Variants in FLNB observed in about 807,000 individuals in gnomAD.
FLNB encodes the protein filamin B.
Under a neutral mutation model 250.6 loss-of-function variants are expected in FLNB, and 111 were observed. That is an observed-to-expected ratio of 0.44 (90% CI 0.38 to 0.52). FLNB has a LOEUF of 0.52. Ranked by LOEUF, FLNB falls within the 20% of genes least tolerant of loss-of-function variation. The pLI is 0.00. For synonymous variants in FLNB, 1,302 were observed against 1,372.1 expected (o/e 0.95, Z 1.13); for missense variants, 2,869 against 3,447.8 (o/e 0.83, Z 4.20).
At chr3:58,104,172 G>A (rs1485606608) in intron 10 of FLNB, 87 bp downstream of exon 10, 1 of 1,402,166 alleles carries the variant, frequency 7.1e-7, no homozygotes, top group Non-Finnish European at 9.9e-7. Context: ...GGCTGCAGGA[G>A]GGAAAGAGAT....
intron 1 of FLNB, among the ~76,000 whole-genome samples, chr3:58,065,266 C>G (rs1274444512): frequency 6.6e-6 from 1 of 152,200 alleles, no homozygotes; most frequent in Admixed American, 6.5e-5. Flanking sequence ...GCAGAGAAGC[C>G]TGGCTTACCT....
chr3:58,054,728 G>A (rs1056920024), intron 1 of FLNB, among the ~76,000 whole-genome samples: 16 of 152,160 alleles, frequency 1.1e-4, no homozygotes, highest in Non-Finnish European at 1.8e-4. Context: ...TACAATTTAA[G>A]ATGAGATTTG....
At chr3:58,076,535 A>G (rs557180460) in intron 1 of FLNB, among the ~76,000 whole-genome samples, 49 of 152,184 alleles carry the variant, frequency 3.2e-4, no homozygotes, top group African/African-American at 1.2e-3. Flanking sequence ...GCTCTCTGCA[A>G]CTTTCACTTC....
intron 33 of FLNB, 198 bp from the exon 34 acceptor site, chr3:58,146,622 G>T (rs2097336185): frequency 3.3e-6 from 2 of 601,488 alleles, no homozygotes; most frequent in Admixed American, 5.3e-5. Context: ...TCAGATGTTT[G>T]GGGTTTCTTC....
At chr3:58,062,797 A>C (rs1361552562) in intron 1 of FLNB, among the ~76,000 whole-genome samples, 1 of 152,212 alleles carries the variant, frequency 6.6e-6, no homozygotes, top group Non-Finnish European at 1.5e-5. Context: ...CATCTGTGCT[A>C]GAAGGCGGAA....
intron 1 of FLNB, among the ~76,000 whole-genome samples, chr3:58,011,533 C>T (rs936387016): frequency 6.6e-6 from 1 of 152,162 alleles, no homozygotes; most frequent in East Asian, 1.9e-4. Context: ...TGGCAAGTGC[C>T]AGGACTGCTG....
intron 4 of FLNB, among the ~76,000 whole-genome samples, chr3:58,091,073 G>A (rs146939018): frequency 8.8e-5 from 13 of 147,790 alleles, no homozygotes; most frequent in Non-Finnish European, 8.9e-5. Flanking sequence ...GCGAGACTCC[G>A]TCTCAAAAAA....
At chr3:58,155,183 C>G (rs1286253314) in intron 40 of FLNB, among the ~76,000 whole-genome samples, 1 of 152,234 alleles carries the variant, frequency 6.6e-6, no homozygotes, top group African/African-American at 2.4e-5. Flanking sequence ...TCCATTCTTT[C>G]CACCAACCAG....
At chr3:58,049,384 G>A (rs1197537266) in intron 1 of FLNB, among the ~76,000 whole-genome samples, 1 of 152,114 alleles carries the variant, frequency 6.6e-6, no homozygotes, top group African/African-American at 2.4e-5. Context: ...GGGGTTAGAT[G>A]AGTAATTAGC....
In FLNB at chr3:58,124,968, G is replaced by A. The variant is rs3772994; in HGVS notation, c.3898+463G>A. ...CTGTTTCTTCTGTTTCACGGGTTTC[G>A]CTTTTTCTTTTGGTTAATGGCTGGA... is the stretch of plus-strand genomic sequence containing the variant. On this transcript the variant is annotated intron_variant, in intron 22 of 45. Transcript: ENST00000295956. Among the ~76,000 whole-genome samples, 81 of 152,170 alleles carry A rather than the reference G, an allele frequency of 5.3e-4. No homozygotes were observed. In the East Asian group the frequency reaches 8.5e-3, roughly 16 times the overall value.
chr3:58,090,715 G>GAAGT (rs1465866945), intron 4 of FLNB, among the ~76,000 whole-genome samples: 1 of 152,116 alleles, frequency 6.6e-6, no homozygotes, highest in Non-Finnish European at 1.5e-5. Context: ...ATATAATGAA[G>GAAGT]AAGTATGCAT....
intron 9 of FLNB, 63 bp downstream of exon 9, chr3:58,102,403 A>G: frequency 6.4e-7 from 1 of 1,558,434 alleles, no homozygotes; most frequent in South Asian, 1.1e-5. Context: ...GCCATGGCAT[A>G]TGGATTTCAT....
chr3:58,132,110 T>C, intron 25 of FLNB: 4 of 826,558 alleles, frequency 4.8e-6, no homozygotes, highest in Non-Finnish European at 8.0e-6. Flanking sequence ...CCTCATCTGC[T>C]TTGCTTAATG....
At chr3:58,011,799 A>G (rs899358751) in intron 1 of FLNB, among the ~76,000 whole-genome samples, 4 of 152,220 alleles carry the variant, frequency 2.6e-5, no homozygotes, top group African/African-American at 9.6e-5. Context: ...CCCTATCTCT[A>G]ATGATCTGCT....
chr3:58,125,371 G>T (rs2097296006), intron 22 of FLNB, among the ~76,000 whole-genome samples: 2 of 152,174 alleles, frequency 1.3e-5, no homozygotes, highest in African/African-American at 4.8e-5. Context: ...GGACTCAAGT[G>T]ATCTACCCAC....
At chr3:58,132,429 C>G (rs2097308984) in intron 25 of FLNB, 2 of 405,344 alleles carry the variant, frequency 4.9e-6, no homozygotes, top group South Asian at 2.2e-5. Context: ...TTGGCAGTGT[C>G]TCAGCTGTAG....
chr3:58,040,309 AAC>A (rs1177716524), intron 1 of FLNB, among the ~76,000 whole-genome samples: 1 of 151,968 alleles, frequency 6.6e-6, no homozygotes, highest in Non-Finnish European at 1.5e-5. Flanking sequence ...AGTGTGAGTA[AAC>A]AGTTACCTTC....
chr3:58,138,935 G>C (rs2097321498), intron 29 of FLNB, among the ~76,000 whole-genome samples: 1 of 152,184 alleles, frequency 6.6e-6, no homozygotes, highest in Non-Finnish European at 1.5e-5. Flanking sequence ...AGAGCTTCCT[G>C]ATGCTGTTTT....
rs780223378 is a variant in FLNB at position 58,126,570 on chromosome 3, G to A, written c.4062-32G>A. The A allele has an allele frequency of 5.6e-6, 9 of 1,609,964 alleles. No homozygotes were observed. In the South Asian group the frequency reaches 8.8e-5, roughly 16 times the overall value. On this transcript the variant is annotated intron_variant, in intron 23 of 45. Coordinates refer to ENST00000295956, the MANE Select transcript of FLNB (RefSeq NM_001457.4). ...AAGCAGACCAGCATAAATAAATGGTGCACATTTCACTTTCTTTTCCACTCT... is the reference window on the plus strand; with the variant it reads ...AAGCAGACCAGCATAAATAAATGGTACACATTTCACTTTCTTTTCCACTCT...
Sources: allele counts gnomAD v4.1 joint callset (sites outside exome capture counted in the v4.1 genomes callset), GRCh38; gene constraint gnomAD v4.1.1; transcripts MANE v1.5; gene names NCBI Gene and HGNC (gene_info 2026-07-23, HGNC 2026-07-21).